CAMTA1: variants seen among roughly 807,000 people sequenced by gnomAD.
CAMTA1 encodes the protein calmodulin binding transcription activator 1.
CAMTA1 carries 27 observed loss-of-function variants against 170.9 expected under a neutral mutation model. That is an observed-to-expected ratio of 0.16 (90% CI 0.12 to 0.22). The LOEUF is 0.22. Ranked by LOEUF, CAMTA1 falls within the 10% of genes least tolerant of loss-of-function variation. CAMTA1 has a pLI of 1.00. For synonymous variants in CAMTA1, 833 were observed against 891.5 expected (o/e 0.93, Z 1.17); for missense variants, 1,619 against 2,217.2 (o/e 0.73, Z 5.42).
At chr1:7,001,901 T>TC (rs1454448868) in intron 3 of CAMTA1, among the ~76,000 whole-genome samples, 30 of 148,704 alleles carry the variant, frequency 2.0e-4, no homozygotes, top group East Asian at 3.9e-4. Context: ...CTTCTTCTTT[T>TC]TTTTTTTTTT....
intron 3 of CAMTA1, among the ~76,000 whole-genome samples, chr1:6,978,467 C>G (rs1693846719): frequency 6.6e-6 from 1 of 152,016 alleles, no homozygotes; most frequent in South Asian, 2.1e-4. Context: ...AACTCTGTCT[C>G]TATTAAAAAT....
intron 6 of CAMTA1, among the ~76,000 whole-genome samples, chr1:7,500,559 G>C (rs1448684690): frequency 1.3e-5 from 2 of 152,150 alleles, no homozygotes; most frequent in Non-Finnish European, 2.9e-5. Flanking sequence ...CTGGTCTTGA[G>C]GACGCGGCCC....
intron 4 of CAMTA1, among the ~76,000 whole-genome samples, chr1:7,109,787 G>T (rs1457981401): frequency 2.0e-5 from 3 of 152,162 alleles, no homozygotes; most frequent in Non-Finnish European, 2.9e-5. Context: ...GAGGACTGGG[G>T]GTCCTTGTTC....
At chr1:7,290,024 A>T (rs978348647) in intron 5 of CAMTA1, among the ~76,000 whole-genome samples, 6 of 152,256 alleles carry the variant, frequency 3.9e-5, no homozygotes, top group Admixed American at 3.3e-4. Context: ...ACTCTGAGAC[A>T]ATAAATTGCT....
chr1:6,994,254 T>C (rs1696845317), intron 3 of CAMTA1, among the ~76,000 whole-genome samples: 1 of 152,240 alleles, frequency 6.6e-6, no homozygotes, highest in South Asian at 2.1e-4. Context: ...TTTATAATCA[T>C]ACTTTGGAAG....
In CAMTA1 at chr1:7,665,326, A is replaced by G; in HGVS notation, c.2652+127A>G. 1.4e-6 allele frequency: 1 copy of G among 701,678 alleles called. No homozygotes were observed. The highest frequency in any genetic ancestry group is 2.1e-6 in the Non-Finnish European group (1 of 484,708). 43.5% of individuals were successfully genotyped at this position (701,678 alleles called of 1,614,324 possible). On this transcript the variant is annotated intron_variant, in intron 9 of 22. Coordinates refer to ENST00000303635, the MANE Select transcript of CAMTA1 (RefSeq NM_015215.4). This position sits in a 1 kb window ranked among gnomAD's most constrained non-coding sequence, Gnocchi z 4.3. ...GAGGAAGCTCTGGACCACAAAGATG[A>G]TGCTTTCCCCTCCTTGTGTCCCCAC...
At chr1:7,015,278 C>T (rs1700368238) in intron 3 of CAMTA1, among the ~76,000 whole-genome samples, 2 of 152,148 alleles carry the variant, frequency 1.3e-5, no homozygotes, top group Non-Finnish European at 2.9e-5. Context: ...TTGTCCCCTG[C>T]TCCCCTGACT....
intron 3 of CAMTA1, among the ~76,000 whole-genome samples, chr1:7,036,507 T>A (rs1448072616): frequency 6.6e-6 from 1 of 152,196 alleles, no homozygotes; most frequent in Non-Finnish European, 1.5e-5. Context: ...GGACTTACGA[T>A]CCTAATTCCA....
At chr1:7,138,081 G>A (rs556555725) in intron 4 of CAMTA1, among the ~76,000 whole-genome samples, 122 of 152,296 alleles carry the variant, frequency 8.0e-4, no homozygotes, top group Non-Finnish European at 1.3e-3. Context: ...GACCTCCTGG[G>A]CACAAGTGAT....
chr1:7,708,357 G>T (rs1005922428), intron 11 of CAMTA1, among the ~76,000 whole-genome samples: 16 of 151,942 alleles, frequency 1.1e-4, no homozygotes, highest in Admixed American at 9.8e-4. Context: ...GAATAGCCAG[G>T]CGTGGTGGCT....
At chr1:7,615,902 G>A (rs973894882) in intron 6 of CAMTA1, among the ~76,000 whole-genome samples, 1 of 152,198 alleles carries the variant, frequency 6.6e-6, no homozygotes, top group African/African-American at 2.4e-5. Context: ...GCCTCCTCAG[G>A]CCTGCCATTC....
At chr1:7,292,591 C>T (rs1182523943) in intron 5 of CAMTA1, among the ~76,000 whole-genome samples, 1 of 152,146 alleles carries the variant, frequency 6.6e-6, no homozygotes, top group Non-Finnish European at 1.5e-5. Context: ...ATTCCCCACT[C>T]TCCGTACTCA....
intron 3 of CAMTA1, among the ~76,000 whole-genome samples, chr1:7,035,800 T>C (rs985862240): frequency 6.6e-6 from 1 of 152,236 alleles, no homozygotes; most frequent in Non-Finnish European, 1.5e-5. Flanking sequence ...TAACAACGTT[T>C]ACACTAATAG....
chr1:7,184,060 G>C (rs980549310), intron 4 of CAMTA1, among the ~76,000 whole-genome samples: 1 of 152,208 alleles, frequency 6.6e-6, no homozygotes, highest in Non-Finnish European at 1.5e-5. Context: ...TAAGAAGAGT[G>C]AGATCCTGTC....
Position 7,173,421 on chromosome 1 carries a change from C to G in CAMTA1, c.303-76070C>G, listed in dbSNP as rs753882274. Among the ~76,000 whole-genome samples the G allele has an allele frequency of 2.6e-5, 4 of 152,072 alleles. No homozygotes were observed. The highest frequency in any genetic ancestry group is 5.9e-5 in the Non-Finnish European group (4 of 68,020). ...TTTTTTTTTAAGACTGATTTTCACTCTAGTCATCCAGGCTGGAGTATAACA... is the reference window on the plus strand; with the variant it reads ...TTTTTTTTTAAGACTGATTTTCACTGTAGTCATCCAGGCTGGAGTATAACA... On this transcript the variant is annotated intron_variant, in intron 4 of 22. Transcript: ENST00000303635. This position sits in a 1 kb window ranked among gnomAD's most constrained non-coding sequence, Gnocchi z 5.4.
At chr1:7,755,471 A>AT (rs1049409173) in intron 21 of CAMTA1, among the ~76,000 whole-genome samples, 167 bp from the exon 22 acceptor site, 26 of 151,728 alleles carry the variant, frequency 1.7e-4, no homozygotes, top group African/African-American at 4.6e-4. Flanking sequence ...AAATTGATGA[A>AT]TTTTTTTACC....
intron 21 of CAMTA1, among the ~76,000 whole-genome samples, chr1:7,754,408 T>C (rs932241873): frequency 3.9e-5 from 6 of 152,162 alleles, no homozygotes; most frequent in African/African-American, 7.2e-5. Flanking sequence ...GGGAGCAAAA[T>C]TGCATAAAGT....
chr1:7,679,575 G>GCCCC lies in CAMTA1; in HGVS notation c.2914+1850_2914+1853dup, dbSNP rs377170123. On this transcript the variant is annotated intron_variant, in intron 11 of 22. Coordinates refer to ENST00000303635, the MANE Select transcript of CAMTA1 (RefSeq NM_015215.4). ...CAAGCTGGGCACCTGCTCCCTAGCT[G>GCCCC]CCCCCCCCCCCAGAACTTTGAGCTC... Among the ~76,000 whole-genome samples, 349 of 103,348 alleles carry GCCCC rather than the reference G, an allele frequency of 3.4e-3. 10 individuals carry two copies. Among genetic ancestry groups the GCCCC allele is most frequent in the Non-Finnish European group, 5.6e-3 (252 of 44,724 alleles). 67.8% of individuals were successfully genotyped at this position (103,348 alleles called of 152,430 possible).
In CAMTA1 at chr1:6,889,189, C is replaced by T. The variant is rs76726790; in HGVS notation, c.234+63979C>T. 9.7e-4 allele frequency among the ~76,000 whole-genome samples: 147 copies of T among 152,154 alleles called. No homozygotes were observed. The East Asian group carries it at 9.8e-3, about 10-fold the overall frequency. On this transcript the variant is annotated intron_variant, in intron 3 of 22. Coordinates refer to ENST00000303635, the MANE Select transcript of CAMTA1 (RefSeq NM_015215.4). The stretch of plus-strand genomic sequence containing the variant: ...TTACATACCACAAAGCAAAATAAAA[C>T]GAAAAAACCTTTGGTCATGATGCAT...
Sources: allele counts gnomAD v4.1 joint callset (sites outside exome capture counted in the v4.1 genomes callset), GRCh38; gene constraint gnomAD v4.1.1; non-coding constraint Gnocchi (gnomAD v3.1); transcripts MANE v1.5; gene names NCBI Gene and HGNC (gene_info 2026-07-23, HGNC 2026-07-21).